PSD3: variants seen among roughly 807,000 people sequenced by gnomAD.
PSD3 encodes the protein pleckstrin and Sec7 domain containing 3, also known as PH and SEC7 domain-containing protein 3.
PSD3 carries 49 observed loss-of-function variants against 105.5 expected under a neutral mutation model. That is an observed-to-expected ratio of 0.46 (90% CI 0.37 to 0.59). PSD3 has a LOEUF of 0.59. Among genes scored for constraint, PSD3 ranks in the 20% least tolerant of loss-of-function variants. The pLI is 0.00. For missense variants in PSD3, 1,561 were observed against 1,263.8 expected, an observed-to-expected ratio of 1.24 and a Z score of -3.57; for synonymous variants, 557 against 457.8, an observed-to-expected ratio of 1.22 and a Z score of -2.77.
intron 1 of PSD3, among the ~76,000 whole-genome samples, chr8:19,060,705 T>G (rs1371338270): frequency 6.6e-6 from 1 of 152,246 alleles, no homozygotes; most frequent in Non-Finnish European, 1.5e-5. Flanking sequence ...TGCCAAAGTC[T>G]AATCAATAAT....
At chr8:18,896,764 C>T (rs1290985636) in intron 2 of PSD3, among the ~76,000 whole-genome samples, 1 of 151,458 alleles carries the variant, frequency 6.6e-6, no homozygotes, top group Non-Finnish European at 1.5e-5. Context: ...GTAAGAGTTT[C>T]CCTTTTCTCT....
chr8:18,736,251 T>C (rs1375163758), intron 9 of PSD3, among the ~76,000 whole-genome samples: 1 of 152,200 alleles, frequency 6.6e-6, no homozygotes, highest in Non-Finnish European at 1.5e-5. Flanking sequence ...ACTGTGAAAT[T>C]GAAGGCAAGA....
intron 8 of PSD3, among the ~76,000 whole-genome samples, chr8:18,795,409 C>G (rs532323235): frequency 6.6e-6 from 1 of 152,190 alleles, no homozygotes; most frequent in Non-Finnish European, 1.5e-5. Flanking sequence ...TACTGGAGAA[C>G]AGAGGGATGC....
intron 10 of PSD3, among the ~76,000 whole-genome samples, chr8:18,635,386 C>T (rs1335939095): frequency 1.3e-5 from 2 of 152,102 alleles, no homozygotes; most frequent in African/African-American, 4.8e-5. Flanking sequence ...AGTTATGTAT[C>T]ATATAACAAT....
chr8:18,595,643 T>C (rs1396534005), intron 12 of PSD3, among the ~76,000 whole-genome samples: 1 of 152,046 alleles, frequency 6.6e-6, no homozygotes, highest in East Asian at 1.9e-4. Context: ...ACTTATATTA[T>C]ACAAAATAAG....
intron 9 of PSD3, among the ~76,000 whole-genome samples, chr8:18,742,573 G>C (rs1465720608): frequency 6.6e-6 from 1 of 152,126 alleles, no homozygotes; most frequent in Non-Finnish European, 1.5e-5. Context: ...GATAGCTTTT[G>C]TGAAGGTATT....
At chr8:18,932,267 C>T (rs1480498919) in intron 2 of PSD3, among the ~76,000 whole-genome samples, 1 of 152,228 alleles carries the variant, frequency 6.6e-6, no homozygotes, top group East Asian at 1.9e-4. Context: ...AGGCTGGGAC[C>T]CAGGCTCTGC....
At chr8:19,065,443 C>A (rs1436574785) in intron 1 of PSD3, among the ~76,000 whole-genome samples, 1 of 152,126 alleles carries the variant, frequency 6.6e-6, no homozygotes, top group South Asian at 2.1e-4. Context: ...CAAGACTGCA[C>A]CCCCTGACCC....
At chr8:18,731,686 G>C (rs1195959217) in intron 9 of PSD3, among the ~76,000 whole-genome samples, 1 of 152,168 alleles carries the variant, frequency 6.6e-6, no homozygotes, top group Non-Finnish European at 1.5e-5. Context: ...ACAGTCATGT[G>C]TTCTACTCAG....
intron 10 of PSD3, 54 bp from the exon 11 acceptor site, chr8:18,632,860 G>A: frequency 1.5e-6 from 2 of 1,356,686 alleles, no homozygotes; most frequent in Non-Finnish European, 2.0e-6. Flanking sequence ...AATATTCAAA[G>A]AAAAAGGTAA....
chr8:19,062,401 C>T (rs1002360801), intron 1 of PSD3, among the ~76,000 whole-genome samples: 4 of 152,034 alleles, frequency 2.6e-5, no homozygotes, highest in African/African-American at 9.7e-5. Flanking sequence ...AAGTCCAAAC[C>T]CCATTTTGCA....
At chr8:18,897,491 G>C (rs1164316410) in intron 2 of PSD3, among the ~76,000 whole-genome samples, 1 of 152,182 alleles carries the variant, frequency 6.6e-6, no homozygotes, top group Admixed American at 6.5e-5. Context: ...CCAGGGTATT[G>C]TGTGGTTCTA....
intron 1 of PSD3, among the ~76,000 whole-genome samples, chr8:18,937,162 G>A (rs983866235): frequency 1.4e-4 from 21 of 152,076 alleles, no homozygotes; most frequent in Non-Finnish European, 1.6e-4. Flanking sequence ...TCTGTTCTCC[G>A]GCTGAGGACT....
chr8:18,790,341 T>C (rs1809588511), intron 8 of PSD3, among the ~76,000 whole-genome samples: 1 of 150,174 alleles, frequency 6.7e-6, no homozygotes, highest in Admixed American at 6.7e-5. Context: ...TCTTGCTCGC[T>C]GCCCAAGCTG....
intron 1 of PSD3, among the ~76,000 whole-genome samples, chr8:18,938,359 T>G (rs1038763465): frequency 6.7e-6 from 1 of 150,212 alleles, no homozygotes; most frequent in East Asian, 2.0e-4. Flanking sequence ...CAGTGGCTCA[T>G]GCCTTTAATC....
intron 2 of PSD3, among the ~76,000 whole-genome samples, chr8:18,905,474 C>T (rs1349095486): frequency 6.6e-6 from 1 of 152,148 alleles, no homozygotes; most frequent in Non-Finnish European, 1.5e-5. Context: ...CAGGTGCACA[C>T]CACCATTCCC....
At chr8:18,881,945 C>T (rs765317536) in intron 2 of PSD3, among the ~76,000 whole-genome samples, 9 of 152,148 alleles carry the variant, frequency 5.9e-5, no homozygotes, top group African/African-American at 9.7e-5. Flanking sequence ...AGGTGGCTCA[C>T]GCCTGTAATC....
chr8:18,649,125 G>A (rs1309475395), intron 10 of PSD3, among the ~76,000 whole-genome samples: 3 of 152,220 alleles, frequency 2.0e-5, no homozygotes, highest in African/African-American at 7.2e-5. Context: ...GGAGCTGTGA[G>A]AAGAGGGCTA....
At chr8:18,922,916 A>T (rs2129467536) in intron 2 of PSD3, among the ~76,000 whole-genome samples, 1 of 152,082 alleles carries the variant, frequency 6.6e-6, no homozygotes, top group East Asian at 1.9e-4. Flanking sequence ...CCGTCCTGGA[A>T]CCTCCATGTG....
Sources: gnomAD v4.1 joint callset for allele counts (sites outside exome capture counted in the v4.1 genomes callset) on GRCh38, gnomAD v4.1.1 for gene constraint, MANE v1.5 for transcripts, NCBI Gene and HGNC (gene_info 2026-07-23, HGNC 2026-07-21) for gene names.